The following STX8 variants were observed in gnomAD, a reference collection of about 807,000 sequenced individuals.
STX8 encodes the protein syntaxin 8.
Under a neutral mutation model 37.5 loss-of-function variants are expected in STX8, and 23 were observed. The ratio of observed to expected loss-of-function variants is 0.61; its 90% CI spans 0.44 to 0.87. The LOEUF (loss-of-function observed/expected upper bound fraction) is 0.87, where lower values mean the gene tolerates loss of function less well. STX8 is among the 40% of genes least tolerant of loss of function. The pLI, the probability that STX8 is intolerant of heterozygous loss-of-function variation, is 0.00. For synonymous variants in STX8, 115 were observed against 99.1 expected (o/e 1.16, Z -0.95); for missense variants, 313 against 284.7 (o/e 1.10, Z -0.71).
chr17:9,493,813 C>T (rs1224067323), intron 5 of STX8, among the ~76,000 whole-genome samples: 4 of 152,134 alleles, frequency 2.6e-5, no homozygotes, highest in African/African-American at 4.8e-5. Flanking sequence ...TCAAATTTCT[C>T]TCTCCTGATC....
intron 7 of STX8, among the ~76,000 whole-genome samples, chr17:9,278,364 G>A (rs555535253): frequency 5.9e-5 from 9 of 152,212 alleles, no homozygotes; most frequent in South Asian, 2.1e-4. Context: ...CAGGAGAATC[G>A]CTTGAACCCG....
intron 6 of STX8, among the ~76,000 whole-genome samples, chr17:9,468,840 GGGGCT>G (rs1905724711): frequency 6.6e-6 from 1 of 152,118 alleles, no homozygotes; most frequent in Non-Finnish European, 1.5e-5. Flanking sequence ...GGCTTCCCAG[GGGGCT>G]GTCGTCAAAG....
At chr17:9,441,877 G>A (rs575777326) in intron 6 of STX8, among the ~76,000 whole-genome samples, 15 of 151,650 alleles carry the variant, frequency 9.9e-5, no homozygotes, top group Non-Finnish European at 1.6e-4. Context: ...GGGTTTCACC[G>A]TGTTAGCCAG....
chr17:9,426,980 C>T (rs895686308), intron 6 of STX8, among the ~76,000 whole-genome samples: 1 of 151,854 alleles, frequency 6.6e-6, no homozygotes, highest in Non-Finnish European at 1.5e-5. Flanking sequence ...TCTGAAATTC[C>T]CATTTTACCA....
In STX8 at chr17:9,352,466, CTT is replaced by C. The variant is rs745427686; in HGVS notation, c.643+26084_643+26085del. Among the ~76,000 whole-genome samples the C allele has an allele frequency of 1.4e-3, 127 of 88,086 alleles. 2 individuals carry two copies. Among genetic ancestry groups the C allele is most frequent in the Admixed American group, 5.5e-3 (42 of 7,680 alleles). The allele number at this position is 88,086 out of a possible 152,430, so 57.8% of individuals were successfully genotyped here. ...GAGCCTCTCCCCATCCTTACTCCCA[CTT>C]TTTTTTTTTTTTTTTTTGAGACGGA... On this transcript the variant is annotated intron_variant, in intron 7 of 7. Transcript: ENST00000306357.
At chr17:9,275,603 C>T (rs754653422) in intron 7 of STX8, among the ~76,000 whole-genome samples, 10 of 152,196 alleles carry the variant, frequency 6.6e-5, no homozygotes, top group Non-Finnish European at 5.9e-5. Context: ...GGCGCAGTGG[C>T]TCATGCCTGT....
At chr17:9,414,834 A>G (rs1332222645) in intron 6 of STX8, among the ~76,000 whole-genome samples, 2 of 117,738 alleles carry the variant, frequency 1.7e-5, no homozygotes, top group Non-Finnish European at 3.2e-5. Flanking sequence ...CTTGTCATCC[A>G]GGCCGGAGTG....
chr17:9,469,778 G>A (rs1905770135), intron 6 of STX8: 1 of 152,160 alleles, frequency 6.6e-6, no homozygotes, highest in South Asian at 2.1e-4. Context: ...AGTTTGGAAT[G>A]AGTTTAGCAA....
intron 4 of STX8, among the ~76,000 whole-genome samples, chr17:9,542,470 A>G (rs922086076): frequency 4.6e-5 from 7 of 151,896 alleles, no homozygotes; most frequent in Admixed American, 4.6e-4. Context: ...GAGGTCAGGA[A>G]ATCGAGACCA....
chr17:9,481,866 C>T (rs1307222461), intron 6 of STX8, among the ~76,000 whole-genome samples: 1 of 152,196 alleles, frequency 6.6e-6, no homozygotes, highest in Admixed American at 6.5e-5. Flanking sequence ...TTACGACAAT[C>T]TGATGCCTGG....
At chr17:9,458,429 G>T (rs943647545) in intron 6 of STX8, among the ~76,000 whole-genome samples, 2 of 152,062 alleles carry the variant, frequency 1.3e-5, no homozygotes, top group Non-Finnish European at 2.9e-5. Flanking sequence ...GATTACAGGC[G>T]TGAGCCACCG....
chr17:9,361,274 C>T (rs1911053938), intron 7 of STX8, among the ~76,000 whole-genome samples: 1 of 152,220 alleles, frequency 6.6e-6, no homozygotes, highest in Non-Finnish European at 1.5e-5. Context: ...GCTTATGCCA[C>T]TGAATTTCCA....
chr17:9,292,796 T>G (rs1271281796), intron 7 of STX8, among the ~76,000 whole-genome samples: 1 of 152,204 alleles, frequency 6.6e-6, no homozygotes, highest in Non-Finnish European at 1.5e-5. Flanking sequence ...TTCCCCTCGC[T>G]GAATGCTCTC....
intron 7 of STX8, among the ~76,000 whole-genome samples, chr17:9,278,147 G>A (rs1907739533): frequency 6.6e-6 from 1 of 151,644 alleles, no homozygotes; most frequent in South Asian, 2.1e-4. Context: ...GGAGACAGAG[G>A]GATTGAAACA....
At chr17:9,272,905 T>C (rs1404379527) in intron 7 of STX8, among the ~76,000 whole-genome samples, 1 of 152,220 alleles carries the variant, frequency 6.6e-6, no homozygotes, top group Non-Finnish European at 1.5e-5. Context: ...CTCCGCGCCA[T>C]TCCTTGTTCT....
chr17:9,550,178 C>T (rs538946017), intron 3 of STX8, among the ~76,000 whole-genome samples: 113 of 151,054 alleles, frequency 7.5e-4, no homozygotes, highest in African/African-American at 2.6e-3. Context: ...GAGCCAAGAT[C>T]GTGCCACTGC....
chr17:9,471,669 C>CA (rs1487804900), intron 6 of STX8, among the ~76,000 whole-genome samples: 1 of 152,066 alleles, frequency 6.6e-6, no homozygotes, highest in Admixed American at 6.5e-5. Flanking sequence ...CCAAGACCCT[C>CA]AAAAAACCCC....
At chr17:9,495,357 A>G (rs963007808) in intron 5 of STX8, among the ~76,000 whole-genome samples, 2 of 152,210 alleles carry the variant, frequency 1.3e-5, no homozygotes, top group African/African-American at 4.8e-5. Context: ...CTGATGTTAT[A>G]GTAAAATTCT....
At chr17:9,256,355 G>A (rs1464135506) in intron 7 of STX8, among the ~76,000 whole-genome samples, 1 of 152,170 alleles carries the variant, frequency 6.6e-6, no homozygotes, top group Non-Finnish European at 1.5e-5. Context: ...GAAACACCGG[G>A]ATCAAGAGTT....
Sources: allele counts gnomAD v4.1 joint callset (sites outside exome capture counted in the v4.1 genomes callset), GRCh38; gene constraint gnomAD v4.1.1; transcripts MANE v1.5; gene names NCBI Gene and HGNC (gene_info 2026-07-23, HGNC 2026-07-21).